The following TNPO3 variants were observed in gnomAD, a reference collection of about 807,000 sequenced individuals.
TNPO3 encodes the protein transportin-3.
Under a neutral mutation model 122.8 loss-of-function variants are expected in TNPO3, and 65 were observed. That is an observed-to-expected ratio of 0.53 (90% confidence interval 0.43 to 0.65). The LOEUF is 0.65. Among genes scored for constraint, TNPO3 ranks in the 30% least tolerant of loss-of-function variants. TNPO3 has a pLI of 0.00. For synonymous variants in TNPO3, 372 were observed against 411.2 expected (o/e 0.90, Z 1.15); for missense variants, 850 against 1,136.7 (o/e 0.75, Z 3.63).
chr7:128,978,379 G>A (rs530991395), intron 16 of TNPO3, among the ~76,000 whole-genome samples: 19 of 152,298 alleles, frequency 1.2e-4, no homozygotes, highest in Admixed American at 1.2e-3. Flanking sequence ...AGCAAAGTCT[G>A]ACTTGCTACA....
At chr7:128,988,498 T>C (rs1484345880) in intron 11 of TNPO3, among the ~76,000 whole-genome samples, 1 of 152,132 alleles carries the variant, frequency 6.6e-6, no homozygotes, top group Non-Finnish European at 1.5e-5. Flanking sequence ...AATTGGGTGT[T>C]TGTGGTTTTG....
intron 1 of TNPO3, among the ~76,000 whole-genome samples, chr7:129,052,662 C>T (rs1218700000): frequency 2.0e-5 from 3 of 152,190 alleles, no homozygotes; most frequent in East Asian, 1.9e-4. Flanking sequence ...CTAACCTCTT[C>T]GTAGAATATT....
At chr7:129,000,062 CAT>C (rs1259779238) in intron 7 of TNPO3, among the ~76,000 whole-genome samples, 1 of 152,164 alleles carries the variant, frequency 6.6e-6, no homozygotes, top group Non-Finnish European at 1.5e-5. Flanking sequence ...TCTCATCCAT[CAT>C]TTGGAGAAAA....
At position 128,954,442 on chromosome 7, in the gene TNPO3, C is replaced by T. The variant is rs1404679081; in HGVS notation, c.*975G>A. 6.6e-6 allele frequency: 1 copy of T among 152,204 alleles called. No individual in the cohort carries two copies. Among genetic ancestry groups the T allele is most frequent in the Non-Finnish European group, 1.5e-5 (1 of 68,038 alleles). 9.4% of individuals were successfully genotyped at this position (152,204 alleles called of 1,614,324 possible). On this transcript the variant is annotated 3_prime_UTR_variant, in exon 23 of 23. Transcript: ENST00000265388. The stretch of plus-strand genomic sequence containing the variant: ...CCTGTAAACATTTTTTCTCCACACA[C>T]CCTCCCTCTTTTTTTCTCTCATGTC...
In TNPO3 at chr7:129,017,965, C is replaced by A. The variant is rs372614953; in HGVS notation, c.313G>T (p.Val105Leu). The A allele has an allele frequency of 6.2e-7, 1 of 1,613,970 alleles. No homozygotes were observed. The highest frequency in any genetic ancestry group is 1.3e-5 in the African/African-American group (1 of 74,920). The change falls in exon 2 of 23, where the codon GTA becomes TTA. Residue 105 changes from valine (V) to leucine (L), a missense_variant. Physicochemically the swap from Val to Leu is conservative, Grantham distance 32. Coordinates refer to ENST00000265388, the MANE Select transcript of TNPO3 (RefSeq NM_012470.4). ...QNLKDLSPVI[V>L]TQLALAIADL... ...AGAAGCACAGGATTTACCTGCGTTA[C>A]AATAACAGGTGACAAGTCTTTCAAG... is the stretch of plus-strand genomic sequence containing the variant.
chr7:129,035,921 T>C (rs972204274), intron 1 of TNPO3, among the ~76,000 whole-genome samples: 2 of 151,090 alleles, frequency 1.3e-5, no homozygotes, highest in African/African-American at 4.9e-5. Context: ...TGGATTTGTG[T>C]GGGGTATGTG....
At chr7:129,025,187 A>G (rs1391721182) in intron 1 of TNPO3, among the ~76,000 whole-genome samples, 1 of 151,054 alleles carries the variant, frequency 6.6e-6, no homozygotes, top group Non-Finnish European at 1.5e-5. Context: ...CATCTCTACT[A>G]AAAATACAAA....
intron 4 of TNPO3, among the ~76,000 whole-genome samples, chr7:129,013,810 A>G (rs1410362671): frequency 1.3e-5 from 2 of 152,214 alleles, no homozygotes; most frequent in Non-Finnish European, 2.9e-5. Context: ...ATCTCCTGTC[A>G]TTTGCAGCAA....
At chr7:128,956,384 C>T (rs1796900010) in intron 22 of TNPO3, among the ~76,000 whole-genome samples, 1 of 152,138 alleles carries the variant, frequency 6.6e-6, no homozygotes, top group Non-Finnish European at 1.5e-5. Flanking sequence ...GAAACTGGCA[C>T]CCAAATTCTA....
chr7:128,975,951 A>G lies in TNPO3; in HGVS notation c.2062-16T>C, dbSNP rs2129000188. On this transcript the variant is annotated splice_polypyrimidine_tract_variant and intron_variant, in intron 16 of 22. Coordinates refer to ENST00000265388, the MANE Select transcript of TNPO3 (RefSeq NM_012470.4). ...CATTCACCATCTGTTGAGGGAAAAA[A>G]CAATTAGTTCAATGCTTCGTCCTTC... 1 of 1,553,532 alleles carries G rather than the reference A, an allele frequency of 6.4e-7. No homozygotes were observed. The highest frequency in any genetic ancestry group is 1.1e-5 in the South Asian group (1 of 89,676).
chr7:128,997,483 T>C lies in TNPO3; in HGVS notation c.1064A>G (p.Lys355Arg). The change falls in exon 8 of 23, where the codon AAA (lysine) becomes AGA (arginine). Residue 355 changes from lysine to arginine, a missense_variant. Lys to Arg is a conservative substitution (Grantham distance 26). Coordinates refer to ENST00000265388, the MANE Select transcript of TNPO3 (RefSeq NM_012470.4). Reference sequence around the variant, plus strand: ...GCCATGAATAACTTCATCGTTAGTTTTGTACAAATGTTCCCCCAGTCGGTA... The same window carrying C: ...GCCATGAATAACTTCATCGTTAGTTCTGTACAAATGTTCCCCCAGTCGGTA... ...FWYRLGEHLY[K>R]TNDEVIHGIF... 1 of 1,614,162 alleles carries C rather than the reference T, an allele frequency of 6.2e-7. No homozygotes were observed. The highest frequency in any genetic ancestry group is 8.5e-7 in the Non-Finnish European group (1 of 1,179,960).
chr7:128,989,931 G>C, intron 11 of TNPO3, 30 bp downstream of exon 11: 5 of 1,598,900 alleles, frequency 3.1e-6, no homozygotes, highest in Non-Finnish European at 4.3e-6. Context: ...TGACAAGTTA[G>C]AAGTGGCAGA....
chr7:129,053,530 T>C (rs896399831), intron 1 of TNPO3, among the ~76,000 whole-genome samples: 10 of 146,180 alleles, frequency 6.8e-5, no homozygotes, highest in East Asian at 4.1e-4. Flanking sequence ...AGTTGCTCCA[T>C]ACCAAGACCA....
At chr7:129,010,413 C>T (rs941577698) in intron 4 of TNPO3, among the ~76,000 whole-genome samples, 1 of 152,102 alleles carries the variant, frequency 6.6e-6, no homozygotes, top group Admixed American at 6.6e-5. Flanking sequence ...AGCAACCGTC[C>T]CACCTCAGCC....
At chr7:128,999,874 A>T (rs1039011384) in intron 7 of TNPO3, among the ~76,000 whole-genome samples, 4 of 152,064 alleles carry the variant, frequency 2.6e-5, no homozygotes, top group Non-Finnish European at 4.4e-5. Flanking sequence ...CGGCCTCCCA[A>T]AATGCTGGGA....
In TNPO3 at chr7:129,046,988, C is replaced by T. The variant is rs936494235; in HGVS notation, c.120+7663G>A. Among the ~76,000 whole-genome samples, 5 of 152,292 alleles carry T rather than the reference C, an allele frequency of 3.3e-5. No homozygotes were observed. In the South Asian group the frequency reaches 6.2e-4, roughly 19 times the overall value. The stretch of plus-strand genomic sequence containing the variant: ...AGATGTGGGTGGGGACATAGCCAAA[C>T]CATATCAACCCAAGACCTTTCTGAT... On this transcript the variant is annotated intron_variant, in intron 1 of 22. Coordinates refer to ENST00000265388, the MANE Select transcript of TNPO3 (RefSeq NM_012470.4).
intron 1 of TNPO3, among the ~76,000 whole-genome samples, chr7:129,052,609 T>A (rs150980355): frequency 4.6e-5 from 7 of 152,322 alleles, no homozygotes; most frequent in Non-Finnish European, 8.8e-5. Flanking sequence ...AATACTTAAA[T>A]AACAATTGCT....
intron 1 of TNPO3, among the ~76,000 whole-genome samples, chr7:129,022,391 A>G (rs538707440): frequency 1.3e-5 from 2 of 152,110 alleles, no homozygotes; most frequent in East Asian, 3.9e-4. Flanking sequence ...TTATCAAAAG[A>G]GGAAGAGTAA....
At chr7:129,053,863 AG>A (rs1335710607) in intron 1 of TNPO3, among the ~76,000 whole-genome samples, 1 of 152,258 alleles carries the variant, frequency 6.6e-6, no homozygotes, top group Non-Finnish European at 1.5e-5. Flanking sequence ...AAATTAGGGC[AG>A]GAAGCATAAA....
Sources: allele counts gnomAD v4.1 joint callset (sites outside exome capture counted in the v4.1 genomes callset), GRCh38; gene constraint gnomAD v4.1.1; transcripts MANE v1.5; gene names NCBI Gene and HGNC (gene_info 2026-07-23, HGNC 2026-07-21).